Variants in TTC7B observed in about 807,000 individuals in gnomAD.
TTC7B encodes the protein tetratricopeptide repeat protein 7B.
In TTC7B, 28 loss-of-function variants were observed where a neutral mutation model predicts 106.8. The ratio of observed to expected loss-of-function variants is 0.26; its 90% confidence interval spans 0.19 to 0.36. The LOEUF (loss-of-function observed/expected upper bound fraction) is 0.36. Ranked by LOEUF, TTC7B falls within the 10% of genes least tolerant of loss-of-function variation. The probability of loss-of-function intolerance (pLI) is 1.00; values close to 1 mark genes in which losing one functional copy is unlikely to be tolerated. For synonymous variants in TTC7B, 405 were observed against 430.6 expected, an observed-to-expected ratio of 0.94 and a Z score of 0.74; for missense variants, 862 against 1,076.4, an observed-to-expected ratio of 0.80 and a Z score of 2.79.
intron 5 of TTC7B, among the ~76,000 whole-genome samples, chr14:90,696,744 C>T (rs1469696714): frequency 6.6e-6 from 1 of 152,146 alleles, no homozygotes; most frequent in Admixed American, 6.5e-5. Flanking sequence ...AGTCCTCTCA[C>T]CCACACATAT....
At position 90,607,169 on chromosome 14, in the gene TTC7B, A is replaced by G. The variant is rs545935438; in HGVS notation, c.1966+3573T>C. Among the ~76,000 whole-genome samples, 41 of 152,286 alleles carry G rather than the reference A, an allele frequency of 2.7e-4. No homozygotes were observed. In the East Asian group the frequency reaches 3.3e-3, roughly 12 times the overall value. ...AGAAATTTTTCCATAATAGAAATTA[A>G]AAAACAGAAAAAAAATAAATTTAGT... On this transcript the variant is annotated intron_variant, in intron 17 of 19. Coordinates refer to ENST00000328459, the MANE Select transcript of TTC7B (RefSeq NM_001010854.2).
At chr14:90,762,357 A>G (rs1595356279) in intron 3 of TTC7B, among the ~76,000 whole-genome samples, 1 of 151,088 alleles carries the variant, frequency 6.6e-6, no homozygotes, top group East Asian at 1.9e-4. Context: ...GCACCTGGGA[A>G]AAAGCCTGCA....
chr14:90,573,542 G>A (rs1350800997), intron 19 of TTC7B, among the ~76,000 whole-genome samples: 10 of 102,958 alleles, frequency 9.7e-5, no homozygotes, highest in Non-Finnish European at 1.9e-4. Flanking sequence ...TCAGCTCACG[G>A]TCCCTCTCCG....
intron 5 of TTC7B, among the ~76,000 whole-genome samples, chr14:90,713,597 C>A (rs967864046): frequency 2.0e-5 from 3 of 152,166 alleles, no homozygotes; most frequent in Non-Finnish European, 4.4e-5. Flanking sequence ...TCATACATTG[C>A]CGGCAGGAAC....
At chr14:90,636,793 T>A (rs1209553220) in intron 15 of TTC7B, among the ~76,000 whole-genome samples, 3 of 151,360 alleles carry the variant, frequency 2.0e-5, no homozygotes, top group Admixed American at 6.6e-5. Context: ...AACTAATGGA[T>A]CAAAAAGAAA....
chr14:90,629,898 T>G (rs548166267), intron 15 of TTC7B, among the ~76,000 whole-genome samples: 3 of 152,046 alleles, frequency 2.0e-5, no homozygotes, highest in Non-Finnish European at 4.4e-5. Context: ...TTCTCCAGCA[T>G]CTTTGGAAAA....
intron 11 of TTC7B, among the ~76,000 whole-genome samples, chr14:90,655,575 C>T (rs1885914608): frequency 6.6e-6 from 1 of 152,152 alleles, no homozygotes; most frequent in African/African-American, 2.4e-5. Context: ...TTATAAATTT[C>T]AAAACTCCAT....
chr14:90,612,069 A>G (rs889697522), intron 16 of TTC7B, among the ~76,000 whole-genome samples: 1 of 152,200 alleles, frequency 6.6e-6, no homozygotes, highest in Non-Finnish European at 1.5e-5. Context: ...AACTTAATAC[A>G]GTTTACAGGC....
intron 5 of TTC7B, 67 bp from the exon 6 acceptor site, chr14:90,695,645 G>T: frequency 2.0e-6 from 2 of 1,011,790 alleles, no homozygotes; most frequent in Non-Finnish European, 2.8e-6. Context: ...TTATATGCAC[G>T]TTTCAATGCA....
intron 19 of TTC7B, among the ~76,000 whole-genome samples, chr14:90,556,132 G>T (rs561367396): frequency 6.6e-6 from 1 of 152,256 alleles, no homozygotes; most frequent in African/African-American, 2.4e-5. Flanking sequence ...GACAGTCAGC[G>T]AGAAAGGAAG....
chr14:90,612,881 C>G (rs185489869), intron 16 of TTC7B, among the ~76,000 whole-genome samples: 10 of 152,262 alleles, frequency 6.6e-5, no homozygotes, highest in South Asian at 2.1e-4. Flanking sequence ...TATGGGGAAG[C>G]TGAGTTAAAA....
intron 9 of TTC7B, among the ~76,000 whole-genome samples, chr14:90,659,470 G>T (rs1886096690): frequency 6.6e-6 from 1 of 152,152 alleles, no homozygotes; most frequent in Non-Finnish European, 1.5e-5. Context: ...TACTAGAAGA[G>T]ATCAGATCAG....
At chr14:90,562,952 C>T (rs760494946) in intron 19 of TTC7B, among the ~76,000 whole-genome samples, 11 of 152,202 alleles carry the variant, frequency 7.2e-5, no homozygotes, top group Non-Finnish European at 1.3e-4. Flanking sequence ...GCACCTCCCT[C>T]CCCCAACCCC....
Position 90,541,403 on chromosome 14 carries a change from C to T in TTC7B, c.2497G>A (p.Ala833Thr), listed in dbSNP as rs1004972397. ...TALELEASSP[A>T]VPFTIIPRVL ...CGGGGGATGATGGTGAAGGGCACGGCGGGGCTGCTGGCCTCCAGCTCCAAG... is the reference window on the plus strand; with the variant it reads ...CGGGGGATGATGGTGAAGGGCACGGTGGGGCTGCTGGCCTCCAGCTCCAAG... The change falls in exon 20 of 20, where the codon GCC (alanine) becomes ACC (threonine). Residue 833 changes from alanine to threonine, a missense_variant. Transcript: ENST00000328459. 6 of 1,609,880 alleles carry T rather than the reference C, an allele frequency of 3.7e-6. No individual in the cohort carries two copies. Among genetic ancestry groups the T allele is most frequent in the Admixed American group, 1.7e-5 (1 of 59,688 alleles).
In TTC7B at chr14:90,744,846, G is replaced by T. The variant is rs773024193; in HGVS notation, c.522C>A (p.Thr174=). 5 of 1,613,950 alleles carry T rather than the reference G, an allele frequency of 3.1e-6. No individual in the cohort carries two copies. In the Admixed American group the frequency reaches 8.3e-5, roughly 27 times the overall value. The part of the protein sequence containing the change: ...LHVDREQDVI[T]CYEKAGDIAL... ...CGATGTCCCCTGCTTTCTCATAACA[G>T]GTGATGACATCCTGTTCCCGGTCCA... Residue 174 remains threonine, a synonymous_variant, in exon 4 of 20, where the codon ACC becomes ACA. Coordinates refer to ENST00000328459, the MANE Select transcript of TTC7B (RefSeq NM_001010854.2).
At chr14:90,550,564 C>T (rs541831888) in intron 19 of TTC7B, among the ~76,000 whole-genome samples, 2 of 152,196 alleles carry the variant, frequency 1.3e-5, no homozygotes, top group Admixed American at 6.5e-5. Context: ...AAGATGGCCA[C>T]CCTGAAGGCT....
chr14:90,724,652 G>A (rs1324370811), intron 5 of TTC7B, among the ~76,000 whole-genome samples: 2 of 152,136 alleles, frequency 1.3e-5, no homozygotes, highest in Non-Finnish European at 2.9e-5. Context: ...CAAATTTCTT[G>A]GGGCCTCCCC....
At chr14:90,762,281 CT>C (rs1409956275) in intron 3 of TTC7B, among the ~76,000 whole-genome samples, 1 of 152,218 alleles carries the variant, frequency 6.6e-6, no homozygotes, top group East Asian at 1.9e-4. Context: ...CCTGGCTTAT[CT>C]GTCTCTTCCA....
chr14:90,573,979 C>CA (rs1891155618), intron 19 of TTC7B, among the ~76,000 whole-genome samples: 1 of 152,210 alleles, frequency 6.6e-6, no homozygotes, highest in South Asian at 2.1e-4. Context: ...CACTTGCCCT[C>CA]AAAAGCCCAG....
Sources: gnomAD v4.1 joint callset for allele counts (sites outside exome capture counted in the v4.1 genomes callset) on GRCh38, gnomAD v4.1.1 for gene constraint, MANE v1.5 for transcripts, NCBI Gene and HGNC (gene_info 2026-07-23, HGNC 2026-07-21) for gene names.